MYO9B: variants seen among roughly 807,000 people sequenced by gnomAD.
The protein encoded by MYO9B is unconventional myosin-IXb.
Under a neutral mutation model 229.5 loss-of-function variants are expected in MYO9B, and 71 were observed. That is an observed-to-expected ratio of 0.31 (90% CI 0.26 to 0.38). The LOEUF is 0.38. Ranked by LOEUF, MYO9B falls within the 10% of genes least tolerant of loss-of-function variation. The pLI is 1.00. For missense variants in MYO9B, 2,255 were observed against 2,920.5 expected (o/e 0.77, Z 5.25); for synonymous variants, 1,185 against 1,235.8 (o/e 0.96, Z 0.86).
At chr19:17,147,340 CAAG>C (rs903815464) in intron 3 of MYO9B, among the ~76,000 whole-genome samples, 4 of 151,968 alleles carry the variant, frequency 2.6e-5, no homozygotes, top group African/African-American at 9.7e-5. Context: ...GTCGGGAGTT[CAAG>C]ACCAGCCTGT....
At chr19:17,138,256 T>C (rs2072295454) in intron 2 of MYO9B, among the ~76,000 whole-genome samples, 1 of 152,186 alleles carries the variant, frequency 6.6e-6, no homozygotes, top group Admixed American at 6.6e-5. Flanking sequence ...CTGCATAGTA[T>C]TCCATAGTGT....
chr19:17,186,104 G>A (rs7249267), intron 18 of MYO9B, 103 bp downstream of exon 18: 7 of 1,007,280 alleles, frequency 6.9e-6, no homozygotes, highest in South Asian at 2.7e-5. Context: ...TATGGGGGAC[G>A]GTGCAGCAGT....
intron 4 of MYO9B, among the ~76,000 whole-genome samples, 153 bp from the exon 5 acceptor site, chr19:17,153,814 T>A (rs1342957308): frequency 6.6e-6 from 1 of 152,190 alleles, no homozygotes; most frequent in African/African-American, 2.4e-5. Flanking sequence ...TTGTTTTGTT[T>A]TGTTTTTTTA....
At chr19:17,135,392 C>T (rs2072256599) in intron 2 of MYO9B, among the ~76,000 whole-genome samples, 1 of 151,216 alleles carries the variant, frequency 6.6e-6, no homozygotes, top group South Asian at 2.1e-4. Context: ...CAGATTATAT[C>T]GCATAGTTGT....
chr19:17,168,798 GC>G (rs970504468), intron 11 of MYO9B, among the ~76,000 whole-genome samples: 169 of 152,094 alleles, frequency 1.1e-3, no homozygotes, highest in African/African-American at 4.0e-3. Flanking sequence ...GACAGGATTG[GC>G]GAGTTGTTAC....
intron 22 of MYO9B, among the ~76,000 whole-genome samples, chr19:17,197,391 GGATGGATA>G (rs955369364): frequency 3.6e-5 from 5 of 138,352 alleles, no homozygotes; most frequent in African/African-American, 1.2e-4. Context: ...AAGGATGGAT[GGATGGATA>G]GATAGATGAT....
intron 2 of MYO9B, among the ~76,000 whole-genome samples, chr19:17,105,420 G>A (rs530367983): frequency 1.5e-4 from 23 of 151,914 alleles, no homozygotes; most frequent in Non-Finnish European, 2.8e-4. Flanking sequence ...GCTTGAGCCC[G>A]GGAGGTTGAG....
At chr19:17,109,099 C>G (rs1337075215) in intron 2 of MYO9B, among the ~76,000 whole-genome samples, 2 of 143,744 alleles carry the variant, frequency 1.4e-5, no homozygotes, top group East Asian at 4.2e-4. Flanking sequence ...CAGAGTTTCT[C>G]TCTGTCTCCG....
chr19:17,115,464 G>T (rs750020943), intron 2 of MYO9B, among the ~76,000 whole-genome samples: 1 of 143,978 alleles, frequency 6.9e-6, no homozygotes. Flanking sequence ...CCATTTCACA[G>T]ATGCCTTTTT....
chr19:17,084,916 A>C (rs1396178242), intron 1 of MYO9B, among the ~76,000 whole-genome samples: 1 of 152,028 alleles, frequency 6.6e-6, no homozygotes, highest in Non-Finnish European at 1.5e-5. Flanking sequence ...AAGGGAAAAA[A>C]ACATGTCTCG....
At position 17,210,867 on chromosome 19, in the gene MYO9B, T is replaced by G. The variant is rs767775186; in HGVS notation, c.5930+19T>G. The G allele has an allele frequency of 1.3e-6, 2 of 1,579,422 alleles. No homozygotes were observed. The highest frequency in any genetic ancestry group is 1.7e-6 in the Non-Finnish European group (2 of 1,164,170). ...AGGAGAAGCAAGTGGCTCAGTCCCC[T>G]CCCTCAGTCCTTCATGTTTAGGGCA... On this transcript the variant is annotated intron_variant, in intron 38 of 39. Coordinates refer to ENST00000682292, the MANE Select transcript of MYO9B (RefSeq NM_004145.4).
intron 8 of MYO9B, among the ~76,000 whole-genome samples, chr19:17,161,416 C>T (rs891366404): frequency 2.1e-4 from 32 of 152,062 alleles, no homozygotes; most frequent in African/African-American, 1.2e-4. Flanking sequence ...CAGTGGCTCA[C>T]GCATGTAATC....
intron 35 of MYO9B, chr19:17,207,956 G>C (rs1402793685): frequency 6.6e-6 from 1 of 151,268 alleles, no homozygotes; most frequent in African/African-American, 2.4e-5. Context: ...GTTGCAGTGA[G>C]CTGAGATCAT....
At chr19:17,079,348 C>CG (rs1280479470) in intron 1 of MYO9B, among the ~76,000 whole-genome samples, 1 of 152,140 alleles carries the variant, frequency 6.6e-6, no homozygotes, top group Admixed American at 6.5e-5. Context: ...CCGTTAGGAA[C>CG]GGACTGTGGG....
intron 1 of MYO9B, among the ~76,000 whole-genome samples, chr19:17,097,102 G>A (rs1263953799): frequency 6.6e-6 from 1 of 151,734 alleles, no homozygotes; most frequent in Non-Finnish European, 1.5e-5. Context: ...TCAGGAGTTC[G>A]AGACCAGCCT....
chr19:17,111,940 C>T (rs1219072631), intron 2 of MYO9B, among the ~76,000 whole-genome samples: 9 of 152,218 alleles, frequency 5.9e-5, no homozygotes, highest in Non-Finnish European at 1.5e-5. Flanking sequence ...GATTCATACA[C>T]GTCGTAGCAT....
chr19:17,188,102 C>A, intron 19 of MYO9B, 57 bp downstream of exon 19: 1 of 1,443,648 alleles, frequency 6.9e-7, no homozygotes, highest in Non-Finnish European at 9.5e-7. Flanking sequence ...GGCAATCACC[C>A]TCTTCCAAAG....
At position 17,172,636 on chromosome 19, in the gene MYO9B, T is replaced by G; in HGVS notation, c.1936-123T>G. The G allele has an allele frequency of 6.8e-7, 1 of 1,466,780 alleles. No individual in the cohort carries two copies. 90.9% of individuals were successfully genotyped at this position (1,466,780 alleles called of 1,614,324 possible). On this transcript the variant is annotated intron_variant, in intron 12 of 39. Coordinates refer to ENST00000682292, the MANE Select transcript of MYO9B (RefSeq NM_004145.4). The surrounding 1 kb of genome is among the most constrained non-coding windows in gnomAD (Gnocchi z 8.2). ...GTCCAAGGCGCCATAGTTCAAGAACTGCCATTTGCACTTAGGATGGGCCCC... is the reference window on the plus strand; with the variant it reads ...GTCCAAGGCGCCATAGTTCAAGAACGGCCATTTGCACTTAGGATGGGCCCC...
intron 1 of MYO9B, among the ~76,000 whole-genome samples, chr19:17,097,091 G>A (rs2057700474): frequency 6.6e-6 from 1 of 151,834 alleles, no homozygotes; most frequent in Admixed American, 6.6e-5. Flanking sequence ...ATCACTTGAA[G>A]TCAGGAGTTC....
Sources: allele counts gnomAD v4.1 joint callset (sites outside exome capture counted in the v4.1 genomes callset), GRCh38; gene constraint gnomAD v4.1.1; non-coding constraint Gnocchi (gnomAD v3.1); transcripts MANE v1.5; gene names NCBI Gene and HGNC (gene_info 2026-07-23, HGNC 2026-07-21).